RNF130: variants seen among roughly 807,000 people sequenced by gnomAD.
The protein encoded by RNF130 is E3 ubiquitin-protein ligase RNF130.
RNF130 carries 21 observed loss-of-function variants against 44.6 expected under a neutral mutation model. The observed-to-expected ratio is 0.47, with a 90% CI of 0.33 to 0.68. RNF130 has a LOEUF of 0.68. Among genes scored for constraint, RNF130 ranks in the 30% least tolerant of loss-of-function variants. The probability of loss-of-function intolerance (pLI) is 0.02; values close to 1 mark genes in which losing one functional copy is unlikely to be tolerated. For synonymous variants in RNF130, 214 were observed against 210.4 expected (o/e 1.02, Z -0.15); for missense variants, 479 against 560.6 (o/e 0.85, Z 1.47).
At chr5:180,070,669 T>C (rs1478394710) in intron 1 of RNF130, among the ~76,000 whole-genome samples, 3 of 152,246 alleles carry the variant, frequency 2.0e-5, no homozygotes, top group Non-Finnish European at 2.9e-5. Flanking sequence ...TATTCCACGA[T>C]GTGCAAAAGG....
chr5:180,058,463 A>G (rs1348364361), intron 1 of RNF130, among the ~76,000 whole-genome samples: 1 of 152,246 alleles, frequency 6.6e-6, no homozygotes, highest in Admixed American at 6.5e-5. Flanking sequence ...ATGAGGAACT[A>G]ACCTAGTCGA....
exon 8 of RNF130, chr5:179,913,254 GCCAACAGGAGGAAC>G (rs1056541479): frequency 7.2e-5 from 11 of 152,336 alleles, no homozygotes; most frequent in African/African-American, 2.7e-4. Context: ...GAGAGGAGGG[GCCAACAGGAGGAAC>G]TCCACAGCCC....
intron 1 of RNF130, among the ~76,000 whole-genome samples, chr5:180,049,012 T>C (rs1764630880): frequency 6.6e-6 from 1 of 152,230 alleles, no homozygotes; most frequent in Admixed American, 6.5e-5. Flanking sequence ...CACAGATGCC[T>C]GAATTACATA....
intron 7 of RNF130, among the ~76,000 whole-genome samples, chr5:179,928,855 T>A (rs1169533845): frequency 5.9e-5 from 9 of 152,076 alleles, no homozygotes; most frequent in Non-Finnish European, 1.3e-4. Flanking sequence ...GGTCTCAATC[T>A]CCTGATCTCG....
At chr5:180,010,089 T>C (rs995017858) in intron 3 of RNF130, among the ~76,000 whole-genome samples, 5 of 151,334 alleles carry the variant, frequency 3.3e-5, no homozygotes, top group Non-Finnish European at 7.4e-5. Flanking sequence ...CTACTAAAAA[T>C]ACAAAAAATT....
chr5:179,939,535 G>A (rs1199520096), intron 7 of RNF130: 4 of 257,004 alleles, frequency 1.6e-5, no homozygotes, highest in African/African-American at 4.7e-5. Flanking sequence ...CCCTTTCTCC[G>A]CCATTCCCAA....
At chr5:180,037,644 G>A (rs774584352) in intron 2 of RNF130, among the ~76,000 whole-genome samples, 2 of 152,144 alleles carry the variant, frequency 1.3e-5, no homozygotes, top group African/African-American at 4.8e-5. Flanking sequence ...ATCAGAATTT[G>A]CATTTTAACA....
intron 1 of RNF130, among the ~76,000 whole-genome samples, chr5:180,042,424 C>G (rs1031020440): frequency 6.6e-6 from 1 of 152,168 alleles, no homozygotes; most frequent in Non-Finnish European, 1.5e-5. Flanking sequence ...ACCTTTAACC[C>G]TTCCTCAATC....
intron 7 of RNF130, among the ~76,000 whole-genome samples, chr5:179,934,806 G>T (rs1391420010): frequency 6.6e-6 from 1 of 152,004 alleles, no homozygotes; most frequent in East Asian, 1.9e-4. Flanking sequence ...AGCCTCCCGG[G>T]TCACGTAATT....
chr5:180,058,668 G>C (rs929217066), intron 1 of RNF130, among the ~76,000 whole-genome samples: 6 of 152,050 alleles, frequency 3.9e-5, no homozygotes, highest in African/African-American at 1.2e-4. Flanking sequence ...CGAGTCTCCT[G>C]CCTCAGCCTC....
At chr5:179,997,383 G>C (rs534939363) in intron 3 of RNF130, among the ~76,000 whole-genome samples, 1 of 152,254 alleles carries the variant, frequency 6.6e-6, no homozygotes, top group East Asian at 1.9e-4. Flanking sequence ...GAGCGCACTG[G>C]CGCAATCTCG....
At chr5:180,014,736 A>G (rs1763679780) in intron 2 of RNF130, among the ~76,000 whole-genome samples, 2 of 152,258 alleles carry the variant, frequency 1.3e-5, no homozygotes, top group Non-Finnish European at 2.9e-5. Flanking sequence ...CTATAATCCC[A>G]GCACTTTGGG....
At chr5:180,049,049 G>A (rs1185082286) in intron 1 of RNF130, among the ~76,000 whole-genome samples, 1 of 152,208 alleles carries the variant, frequency 6.6e-6, no homozygotes, top group Non-Finnish European at 1.5e-5. Context: ...TTTTAAATAA[G>A]CAGAGGCTGG....
In RNF130 at chr5:179,977,865, T is replaced by A. The variant is rs1019937733; in HGVS notation, c.848+338A>T. On this transcript the variant is annotated intron_variant, in intron 5 of 8. Coordinates refer to ENST00000521389, the MANE Select transcript of RNF130 (RefSeq NM_018434.6). The surrounding 1 kb of genome is among the most constrained non-coding windows in gnomAD (Gnocchi z 4.1). ...GCGAGACTCCGTCTCAAAAAATAAA[T>A]AAATAAATAAATAAAAGAAAACAAA... Among the ~76,000 whole-genome samples, 9 of 151,940 alleles carry A rather than the reference T, an allele frequency of 5.9e-5. No homozygotes were observed. Among genetic ancestry groups the A allele is most frequent in the Admixed American group, 5.9e-4 (9 of 15,250 alleles).
At chr5:180,056,487 A>C (rs949402422) in intron 1 of RNF130, among the ~76,000 whole-genome samples, 10 of 152,118 alleles carry the variant, frequency 6.6e-5, no homozygotes, top group Admixed American at 2.0e-4. Context: ...TAGATATGGG[A>C]GTGGGGGGTC....
chr5:179,920,425 A>G (rs1420034546), exon 8 of RNF130: 1 of 702,340 alleles, frequency 1.4e-6, no homozygotes, highest in Non-Finnish European at 2.6e-6. Flanking sequence ...AGAAGTGACC[A>G]CCTGGAAAAG....
chr5:179,913,704 G>C (rs780330018), exon 8 of RNF130: 1 of 152,266 alleles, frequency 6.6e-6, no homozygotes, highest in South Asian at 2.1e-4. Flanking sequence ...CCACAAAAAA[G>C]AGGGTGAACC....
intron 7 of RNF130, among the ~76,000 whole-genome samples, chr5:179,933,143 T>C (rs1361253128): frequency 1.3e-5 from 2 of 152,170 alleles, no homozygotes; most frequent in African/African-American, 4.8e-5. Flanking sequence ...TCTCCTCTTT[T>C]TCTAGTCTCA....
intron 6 of RNF130, among the ~76,000 whole-genome samples, chr5:179,968,243 C>T (rs910154971): frequency 6.6e-6 from 1 of 151,276 alleles, no homozygotes; most frequent in Admixed American, 6.6e-5. Context: ...TGCGGTGAGC[C>T]GAGATCGCAC....
Sources: allele counts gnomAD v4.1 joint callset (sites outside exome capture counted in the v4.1 genomes callset), GRCh38; gene constraint gnomAD v4.1.1; non-coding constraint Gnocchi (gnomAD v3.1); transcripts MANE v1.5; gene names NCBI Gene and HGNC (gene_info 2026-07-23, HGNC 2026-07-21).